Variants in FAM135B observed in about 807,000 individuals in gnomAD.
FAM135B encodes the protein protein FAM135B.
In FAM135B, 43 loss-of-function variants were observed where a neutral mutation model predicts 127.7. The ratio of observed to expected loss-of-function variants is 0.34; its 90% CI spans 0.26 to 0.43. The LOEUF (loss-of-function observed/expected upper bound fraction) is 0.43. Among genes scored for constraint, FAM135B ranks in the 20% least tolerant of loss-of-function variants. The pLI is 1.00. For synonymous variants in FAM135B, 670 were observed against 665.1 expected (o/e 1.01, Z -0.11); for missense variants, 1,558 against 1,725.6 (o/e 0.90, Z 1.72).
At chr8:138,272,490 C>T (rs1467783797) in intron 3 of FAM135B, among the ~76,000 whole-genome samples, 1 of 152,180 alleles carries the variant, frequency 6.6e-6, no homozygotes, top group Non-Finnish European at 1.5e-5. Context: ...AAAGAGCCCA[C>T]TAAAAAGCAC....
At position 138,130,306 on chromosome 8, in the gene FAM135B, A is replaced by T. The variant is rs1338591690; in HGVS notation, c.*2287T>A. ...TGAGGCATGACACGCAACACTCGAC[A>T]CTCTTATTTACAATATAGAGATGTA... On this transcript the variant is annotated 3_prime_UTR_variant, in exon 20 of 20. Coordinates refer to ENST00000395297, the MANE Select transcript of FAM135B (RefSeq NM_015912.4). 1 of 151,938 alleles carries T rather than the reference A, an allele frequency of 6.6e-6. No homozygotes were observed. The highest frequency in any genetic ancestry group is 2.4e-5 in the African/African-American group (1 of 41,366). 9.4% of individuals were successfully genotyped at this position (151,938 alleles called of 1,614,324 possible).
intron 2 of FAM135B, 55 bp from the exon 3 acceptor site, chr8:138,310,975 T>TGA: frequency 1.4e-6 from 2 of 1,411,464 alleles, no homozygotes; most frequent in East Asian, 2.3e-5. Context: ...AACGTTGACT[T>TGA]CTAAAAATAC....
At chr8:138,341,180 G>T (rs1488839362) in intron 2 of FAM135B, among the ~76,000 whole-genome samples, 1 of 152,214 alleles carries the variant, frequency 6.6e-6, no homozygotes, top group Non-Finnish European at 1.5e-5. Flanking sequence ...ATCACCAGAT[G>T]ACTGGATAAT....
At chr8:138,184,400 G>A (rs1391785122) in intron 9 of FAM135B, among the ~76,000 whole-genome samples, 1 of 152,152 alleles carries the variant, frequency 6.6e-6, no homozygotes, top group African/African-American at 2.4e-5. Context: ...TGGTTTCCAT[G>A]CTTCCTGCAG....
intron 5 of FAM135B, among the ~76,000 whole-genome samples, chr8:138,253,799 A>T (rs1180198297): frequency 1.3e-5 from 2 of 152,126 alleles, no homozygotes; most frequent in Non-Finnish European, 2.9e-5. Context: ...ACCCAGACTT[A>T]CCTGATGCTA....
intron 2 of FAM135B, among the ~76,000 whole-genome samples, chr8:138,339,554 A>G (rs956137609): frequency 2.0e-5 from 3 of 151,960 alleles, no homozygotes; most frequent in East Asian, 3.9e-4. Context: ...CATCAGAAAA[A>G]AGGAGAATGG....
At chr8:138,262,154 TA>T (rs1822583033) in intron 4 of FAM135B, among the ~76,000 whole-genome samples, 1 of 152,178 alleles carries the variant, frequency 6.6e-6, no homozygotes. Context: ...ACTTGAGAAC[TA>T]AGGCTGGCTA....
At chr8:138,492,951 C>T (rs956710808) in intron 1 of FAM135B, among the ~76,000 whole-genome samples, 7 of 152,158 alleles carry the variant, frequency 4.6e-5, no homozygotes, top group African/African-American at 1.7e-4. Context: ...AGTTGATTCT[C>T]AGAGTCTGGC....
chr8:138,372,886 G>A (rs553322407), intron 1 of FAM135B, among the ~76,000 whole-genome samples: 21 of 70,188 alleles, frequency 3.0e-4, no homozygotes, highest in African/African-American at 1.2e-3. Flanking sequence ...ACCAGTCCAC[G>A]TTATGAAGCA....
intron 3 of FAM135B, among the ~76,000 whole-genome samples, chr8:138,290,114 G>C (rs1180197249): frequency 6.6e-6 from 1 of 152,196 alleles, no homozygotes; most frequent in Non-Finnish European, 1.5e-5. Context: ...TGCATGGGGG[G>C]TCCACATCAT....
intron 1 of FAM135B, among the ~76,000 whole-genome samples, chr8:138,472,387 A>C (rs962848794): frequency 3.9e-5 from 6 of 152,278 alleles, no homozygotes; most frequent in Non-Finnish European, 4.4e-5. Context: ...AAAGAGGTCC[A>C]TTCTTTCCAG....
chr8:138,391,869 C>A (rs1309789277), intron 1 of FAM135B, among the ~76,000 whole-genome samples: 1 of 152,122 alleles, frequency 6.6e-6, no homozygotes, highest in African/African-American at 2.4e-5. Context: ...AAATCAGTAA[C>A]AAAGCGGAAT....
chr8:138,371,648 T>G (rs1436335784), intron 1 of FAM135B, among the ~76,000 whole-genome samples: 1 of 151,960 alleles, frequency 6.6e-6, no homozygotes, highest in Non-Finnish European at 1.5e-5. Flanking sequence ...AGACCAATTT[T>G]CCCCAGTATT....
intron 12 of FAM135B, among the ~76,000 whole-genome samples, chr8:138,167,216 G>A (rs1820016195): frequency 6.6e-6 from 1 of 152,080 alleles, no homozygotes; most frequent in African/African-American, 2.4e-5. Context: ...ATTTTGAGGG[G>A]ATGGAGTCTT....
At chr8:138,262,903 G>GA (rs71316332) in intron 4 of FAM135B, among the ~76,000 whole-genome samples, 24,061 of 95,284 alleles carry the variant, frequency 0.25, 4,004 homozygotes, top group East Asian at 0.36. Flanking sequence ...CTCTGTCTCA[G>GA]AAAAAAAAAA....
chr8:138,417,076 T>C (rs1045371486), intron 1 of FAM135B, among the ~76,000 whole-genome samples: 4 of 152,162 alleles, frequency 2.6e-5, no homozygotes, highest in African/African-American at 7.2e-5. Flanking sequence ...AGAATATGGC[T>C]TGGGAACAAC....
At chr8:138,436,939 C>G (rs955357690) in intron 1 of FAM135B, 9 of 152,152 alleles carry the variant, frequency 5.9e-5, no homozygotes, top group African/African-American at 2.2e-4. Context: ...TTGCCTTTGT[C>G]CCTTGGACCT....
intron 12 of FAM135B, among the ~76,000 whole-genome samples, chr8:138,155,128 G>A (rs1818592580): frequency 6.6e-6 from 1 of 152,198 alleles, no homozygotes; most frequent in South Asian, 2.1e-4. Flanking sequence ...AGAAGAGAGT[G>A]GGGACCAATA....
chr8:138,312,051 ATTC>A (rs1205363130), intron 2 of FAM135B, among the ~76,000 whole-genome samples: 1 of 152,092 alleles, frequency 6.6e-6, no homozygotes, highest in African/African-American at 2.4e-5. Flanking sequence ...GGTTCAAGCA[ATTC>A]TTCTGCCTCA....
Sources: allele counts gnomAD v4.1 joint callset (sites outside exome capture counted in the v4.1 genomes callset), GRCh38; gene constraint gnomAD v4.1.1; transcripts MANE v1.5; gene names NCBI Gene and HGNC (gene_info 2026-07-23, HGNC 2026-07-21).